The following GADL1 variants were observed in gnomAD, a reference collection of about 807,000 sequenced individuals.
The protein encoded by GADL1 is acidic amino acid decarboxylase GADL1.
Under a neutral mutation model 69.5 loss-of-function variants are expected in GADL1, and 71 were observed. The observed-to-expected ratio is 1.02, with a 90% CI of 0.84 to 1.25. The LOEUF is 1.25. GADL1 is among the 50% of genes most tolerant of loss of function. GADL1 has a pLI of 0.00. For missense variants in GADL1, 737 were observed against 631.8 expected (o/e 1.17, Z -1.79); for synonymous variants, 254 against 214.4 (o/e 1.18, Z -1.62).
intron 14 of GADL1, among the ~76,000 whole-genome samples, chr3:30,754,049 C>T (rs1695904426): frequency 6.6e-6 from 1 of 152,200 alleles, no homozygotes; most frequent in African/African-American, 2.4e-5. Flanking sequence ...TCTATATTTT[C>T]CACCTTCAAA....
At chr3:30,803,111 AAT>A (rs547731270) in intron 11 of GADL1, among the ~76,000 whole-genome samples, 1 of 152,184 alleles carries the variant, frequency 6.6e-6, no homozygotes, top group South Asian at 2.1e-4. Flanking sequence ...AAGAAAAATA[AAT>A]ATTAGTATGC....
At chr3:30,755,744 A>C (rs1396594454) in intron 14 of GADL1, among the ~76,000 whole-genome samples, 1 of 152,238 alleles carries the variant, frequency 6.6e-6, no homozygotes, top group Non-Finnish European at 1.5e-5. Flanking sequence ...ATAATTGTTA[A>C]ACGAATGAAT....
chr3:30,764,985 A>G (rs1335883053), intron 14 of GADL1, among the ~76,000 whole-genome samples: 1 of 152,204 alleles, frequency 6.6e-6, no homozygotes, highest in Non-Finnish European at 1.5e-5. Flanking sequence ...AGATTGCAGG[A>G]AAAGTCTGAC....
At chr3:30,817,978 A>T (rs568015733) in intron 11 of GADL1, among the ~76,000 whole-genome samples, 2 of 152,254 alleles carry the variant, frequency 1.3e-5, no homozygotes, top group East Asian at 3.9e-4. Context: ...TTGTTTTTTT[A>T]GTTTCTGGAC....
chr3:30,786,208 A>AT (rs1160542146), intron 13 of GADL1, 147 bp downstream of exon 13: 5 of 654,826 alleles, frequency 7.6e-6, no homozygotes, highest in Non-Finnish European at 1.4e-5. Flanking sequence ...AATAGAGTAA[A>AT]TTAACATAAT....
intron 14 of GADL1, among the ~76,000 whole-genome samples, chr3:30,752,046 G>C (rs1018082551): frequency 6.6e-6 from 1 of 152,170 alleles, no homozygotes; most frequent in African/African-American, 2.4e-5. Context: ...TGCTTCTAAA[G>C]GCTACCCAGG....
intron 12 of GADL1, among the ~76,000 whole-genome samples, chr3:30,794,702 T>C (rs1435774098): frequency 1.3e-5 from 2 of 152,200 alleles, no homozygotes; most frequent in Non-Finnish European, 2.9e-5. Flanking sequence ...AGGCACTAAA[T>C]TTTTCCTTGC....
At chr3:30,771,673 T>A (rs1696422720) in intron 14 of GADL1, among the ~76,000 whole-genome samples, 1 of 152,224 alleles carries the variant, frequency 6.6e-6, no homozygotes, top group Admixed American at 6.5e-5. Flanking sequence ...TCTTTGAACA[T>A]TTTTTAAAGT....
At chr3:30,809,807 AAC>A (rs1366690483) in intron 11 of GADL1, among the ~76,000 whole-genome samples, 1 of 152,186 alleles carries the variant, frequency 6.6e-6, no homozygotes, top group Non-Finnish European at 1.5e-5. Flanking sequence ...GAAATTTTTA[AAC>A]ACACCTTTTC....
chr3:30,791,338 C>A (rs1041920241), intron 12 of GADL1, among the ~76,000 whole-genome samples: 1 of 152,092 alleles, frequency 6.6e-6, no homozygotes, highest in Non-Finnish European at 1.5e-5. Context: ...ATGAAGAAAG[C>A]TTTCTCCAGA....
intron 13 of GADL1, among the ~76,000 whole-genome samples, chr3:30,784,910 C>CT (rs774484164): frequency 3.9e-5 from 6 of 152,158 alleles, no homozygotes; most frequent in African/African-American, 1.2e-4. Flanking sequence ...TTCAATACAA[C>CT]TTTTTTTGGC....
rs542798236 is a variant in GADL1 at position 30,846,560 on chromosome 3, A to G, written c.652-2094T>C. On this transcript the variant is annotated intron_variant, in intron 6 of 14. Coordinates refer to ENST00000282538, the MANE Select transcript of GADL1 (RefSeq NM_207359.3). ...CTGGTAGAGAGAACGGGGTATATAA[A>G]TGTACACTGTGCCCTGGACTCCAGT... 9.9e-5 allele frequency among the ~76,000 whole-genome samples: 15 copies of G among 151,696 alleles called. No individual in the cohort carries two copies. The South Asian group carries it at 3.1e-3, about 32-fold the overall frequency.
Position 30,854,792 on chromosome 3 carries a change from G to A in GADL1, c.338-3C>T. On this transcript the variant is annotated splice_region_variant and splice_polypyrimidine_tract_variant and intron_variant, in intron 3 of 14. Coordinates refer to ENST00000282538, the MANE Select transcript of GADL1 (RefSeq NM_207359.3). ...TTGGTTGAAAAATCTTGGGTGGTCT[G>A]TAAATTTAAAATGGAGTATTCATCT... is the stretch of plus-strand genomic sequence containing the variant. 2.0e-6 allele frequency: 3 copies of A among 1,514,080 alleles called. No individual in the cohort carries two copies. The highest frequency in any genetic ancestry group is 2.7e-6 in the Non-Finnish European group (3 of 1,115,442). 93.8% of individuals were successfully genotyped at this position (1,514,080 alleles called of 1,614,324 possible). A position where few individuals can be genotyped will look rare whatever the true frequency, so the allele number is the denominator to read the frequency against.
At chr3:30,801,365 A>T (rs1402143319) in intron 11 of GADL1, among the ~76,000 whole-genome samples, 1 of 152,164 alleles carries the variant, frequency 6.6e-6, no homozygotes, top group East Asian at 1.9e-4. Context: ...CATTATCATT[A>T]TGACATCAAG....
At chr3:30,786,751 C>T (rs1014835146) in intron 12 of GADL1, among the ~76,000 whole-genome samples, 1 of 152,190 alleles carries the variant, frequency 6.6e-6, no homozygotes, top group Non-Finnish European at 1.5e-5. Context: ...TAGGTACTTA[C>T]ATTAAATAGC....
chr3:30,809,484 CATG>C (rs1697315004), intron 11 of GADL1, among the ~76,000 whole-genome samples: 1 of 152,288 alleles, frequency 6.6e-6, no homozygotes, highest in Non-Finnish European at 1.5e-5. Context: ...AGGTTCAAAT[CATG>C]ATATAAACGC....
chr3:30,880,248 A>G (rs187830776), intron 1 of GADL1, among the ~76,000 whole-genome samples: 10 of 152,044 alleles, frequency 6.6e-5, no homozygotes, highest in Non-Finnish European at 1.3e-4. Context: ...TAAGTATTGT[A>G]AGTAATCTAG....
intron 11 of GADL1, among the ~76,000 whole-genome samples, chr3:30,829,853 A>G (rs568651213): frequency 4.6e-5 from 7 of 152,072 alleles, no homozygotes; most frequent in African/African-American, 1.7e-4. Context: ...ATGAAAAATC[A>G]TAATTACAAA....
At chr3:30,884,270 A>G (rs1050902544) in intron 1 of GADL1, among the ~76,000 whole-genome samples, 4 of 152,048 alleles carry the variant, frequency 2.6e-5, no homozygotes, top group African/African-American at 9.7e-5. Flanking sequence ...GGGAAGGAAG[A>G]TGCCTTCCCT....
Sources: allele counts gnomAD v4.1 joint callset (sites outside exome capture counted in the v4.1 genomes callset), GRCh38; gene constraint gnomAD v4.1.1; transcripts MANE v1.5; gene names NCBI Gene and HGNC (gene_info 2026-07-23, HGNC 2026-07-21).